The following SORCS1 variants were observed in gnomAD, a reference collection of about 807,000 sequenced individuals.
SORCS1 encodes sortilin related VPS10 domain containing receptor 1, also known as VPS10 domain-containing receptor SorCS1.
SORCS1 carries 60 observed loss-of-function variants against 146.1 expected under a neutral mutation model. The ratio of observed to expected loss-of-function variants is 0.41; its 90% CI spans 0.33 to 0.51. SORCS1 has a LOEUF of 0.51. Among genes scored for constraint, SORCS1 ranks in the 20% least tolerant of loss-of-function variants. SORCS1 has a pLI of 0.21. For missense variants in SORCS1, 1,352 were observed against 1,487.6 expected, an observed-to-expected ratio of 0.91 and a Z score of 1.50; for synonymous variants, 637 against 584.0, an observed-to-expected ratio of 1.09 and a Z score of -1.31.
At chr10:107,017,692 G>C (rs780371464) in intron 1 of SORCS1, among the ~76,000 whole-genome samples, 1 of 152,122 alleles carries the variant, frequency 6.6e-6, no homozygotes, top group Non-Finnish European at 1.5e-5. Flanking sequence ...GTCTCACTCT[G>C]TCACCCAGGC....
At chr10:106,581,914 G>T (rs1309525634) in intron 24 of SORCS1, among the ~76,000 whole-genome samples, 1 of 152,168 alleles carries the variant, frequency 6.6e-6, no homozygotes, top group African/African-American at 2.4e-5. Context: ...GGCCACAGAT[G>T]ATTGGGATGG....
intron 6 of SORCS1, among the ~76,000 whole-genome samples, chr10:106,722,760 T>C (rs1027842293): frequency 2.0e-5 from 3 of 152,210 alleles, no homozygotes; most frequent in African/African-American, 7.2e-5. Context: ...GAAGCAATAA[T>C]GGCCAAAGGT....
At chr10:106,772,026 G>A (rs956710949) in intron 4 of SORCS1, among the ~76,000 whole-genome samples, 4 of 152,104 alleles carry the variant, frequency 2.6e-5, no homozygotes, top group East Asian at 3.8e-4. Context: ...TTTATGTGTC[G>A]ACTTGGCTAA....
chr10:107,153,547 T>C (rs993166981), intron 1 of SORCS1, among the ~76,000 whole-genome samples: 2 of 152,178 alleles, frequency 1.3e-5, no homozygotes, highest in African/African-American at 4.8e-5. Context: ...ACAAAGGCGA[T>C]GATAAACAAA....
At chr10:106,787,892 T>C (rs140907785) in intron 3 of SORCS1, among the ~76,000 whole-genome samples, 1 of 152,358 alleles carries the variant, frequency 6.6e-6, no homozygotes, top group African/African-American at 2.4e-5. Context: ...TCATGATAAG[T>C]TGAATAAGTT....
chr10:107,042,189 T>C (rs745716528), intron 1 of SORCS1, among the ~76,000 whole-genome samples: 1 of 152,198 alleles, frequency 6.6e-6, no homozygotes, highest in Non-Finnish European at 1.5e-5. Flanking sequence ...GGTTTAGAAC[T>C]TGTATCTATA....
intron 1 of SORCS1, among the ~76,000 whole-genome samples, chr10:107,141,749 C>G: frequency 6.6e-6 from 1 of 152,148 alleles, no homozygotes; most frequent in African/African-American, 2.4e-5. Context: ...AGATGCCTGG[C>G]TTCCTGTTGC....
Position 106,896,151 on chromosome 10 carries a change from G to A in SORCS1, c.626+60362C>T, listed in dbSNP as rs561294179. Among the ~76,000 whole-genome samples the A allele has an allele frequency of 1.4e-4, 21 of 152,166 alleles. No individual in the cohort carries two copies. The East Asian group carries it at 3.7e-3, about 27-fold the overall frequency. On this transcript the variant is annotated intron_variant, in intron 2 of 25. Transcript: ENST00000263054. ...TTCATAGAAATGAAAAGTAGAGGCC[G>A]GGTGCAGTGGCTCATGCCTGTATTC...
intron 3 of SORCS1, among the ~76,000 whole-genome samples, chr10:106,827,183 T>C (rs1358308928): frequency 6.7e-6 from 1 of 149,796 alleles, no homozygotes; most frequent in African/African-American, 2.5e-5. Context: ...GAAAAGCCTA[T>C]AGTCAGATTT....
intron 6 of SORCS1, among the ~76,000 whole-genome samples, chr10:106,725,559 A>AAAATAAATAAATAAATAAAT (rs71025549): frequency 0.01 from 1,459 of 144,600 alleles, 13 homozygotes; most frequent in Non-Finnish European, 0.016. Flanking sequence ...CACATACACA[A>AAAATAAATAAATAAATAAAT]AAATAAATAA....
At chr10:106,615,303 G>A in intron 21 of SORCS1, among the ~76,000 whole-genome samples, 1 of 152,172 alleles carries the variant, frequency 6.6e-6, no homozygotes, top group East Asian at 1.9e-4. Context: ...CTGCGGGAGA[G>A]TAGGAGACTG....
At chr10:106,597,533 A>C in intron 23 of SORCS1, 83 bp from the exon 24 acceptor site, 1 of 1,066,016 alleles carries the variant, frequency 9.4e-7, no homozygotes, top group South Asian at 1.3e-5. Context: ...TACTATTTTC[A>C]CCAAGGTATC....
chr10:107,065,415 T>TTTTCTTTTCTTTCTTTCTTTC (rs1961662984), intron 1 of SORCS1, among the ~76,000 whole-genome samples: 1 of 120,396 alleles, frequency 8.3e-6, no homozygotes, highest in Non-Finnish European at 1.6e-5. Flanking sequence ...TCTCTCTTTC[T>TTTTCTTTTCTTTCTTTCTTTC]TTTCTTTCTT....
chr10:106,656,485 G>C (rs1327833726), intron 17 of SORCS1, among the ~76,000 whole-genome samples: 1 of 152,172 alleles, frequency 6.6e-6, no homozygotes, highest in Non-Finnish European at 1.5e-5. Flanking sequence ...GAACCTGGGA[G>C]GCGGAGCTTG....
chr10:106,746,427 A>C (rs1412192546), intron 5 of SORCS1, among the ~76,000 whole-genome samples: 1 of 152,210 alleles, frequency 6.6e-6, no homozygotes, highest in Non-Finnish European at 1.5e-5. Context: ...GCAAAGCCAC[A>C]ATTTCCTACA....
At chr10:106,998,997 G>T (rs1957107520) in intron 1 of SORCS1, among the ~76,000 whole-genome samples, 1 of 152,180 alleles carries the variant, frequency 6.6e-6, no homozygotes, top group Non-Finnish European at 1.5e-5. Context: ...TCTGAGGTTG[G>T]TCAGAGGTGA....
At chr10:106,842,640 G>C (rs140842246) in intron 2 of SORCS1, among the ~76,000 whole-genome samples, 372 of 151,894 alleles carry the variant, frequency 2.4e-3, no homozygotes, top group Middle Eastern at 6.8e-3. Context: ...TTTTGAGATG[G>C]AGTTTCGCTG....
chr10:106,954,815 G>A (rs563419685), intron 2 of SORCS1, among the ~76,000 whole-genome samples: 1 of 152,058 alleles, frequency 6.6e-6, no homozygotes, highest in Non-Finnish European at 1.5e-5. Context: ...TCAGCCACAC[G>A]TTGGGACTAC....
At chr10:106,831,816 C>T (rs1400853872) in intron 2 of SORCS1, among the ~76,000 whole-genome samples, 1 of 152,132 alleles carries the variant, frequency 6.6e-6, no homozygotes, top group Non-Finnish European at 1.5e-5. Context: ...GAACAAAGTA[C>T]TACGCAAAAC....
Sources: gnomAD v4.1 joint callset for allele counts (sites outside exome capture counted in the v4.1 genomes callset) on GRCh38, gnomAD v4.1.1 for gene constraint, MANE v1.5 for transcripts, NCBI Gene and HGNC (gene_info 2026-07-23, HGNC 2026-07-21) for gene names.